PLEK: variants seen among roughly 807,000 people sequenced by gnomAD.
PLEK encodes platelet 47 kDa protein.
PLEK carries 25 observed loss-of-function variants against 43.9 expected under a neutral mutation model. The ratio of observed to expected loss-of-function variants is 0.57; its 90% CI spans 0.41 to 0.79. The LOEUF (loss-of-function observed/expected upper bound fraction) is 0.79, where lower values mean the gene tolerates loss of function less well. Ranked by LOEUF, PLEK falls within the 30% of genes least tolerant of loss-of-function variation. PLEK has a pLI of 0.00. For synonymous variants in PLEK, 152 were observed against 144.4 expected (o/e 1.05, Z -0.38); for missense variants, 396 against 413.3 (o/e 0.96, Z 0.36).
At chr2:68,380,538 T>G in intron 2 of PLEK, 55 bp downstream of exon 2, 3 of 1,553,170 alleles carry the variant, frequency 1.9e-6, no homozygotes, top group Non-Finnish European at 2.6e-6. Flanking sequence ...CAACTTTTGG[T>G]GCAAGCATTG....
At chr2:68,373,376 C>A (rs1228986356) in intron 1 of PLEK, among the ~76,000 whole-genome samples, 2 of 151,914 alleles carry the variant, frequency 1.3e-5, no homozygotes, top group Admixed American at 6.6e-5. Context: ...AGAGTCAGAC[C>A]CCGGAGGCTG....
intron 6 of PLEK, 123 bp downstream of exon 6, chr2:68,388,614 G>A: frequency 5.1e-6 from 3 of 587,752 alleles, no homozygotes; most frequent in South Asian, 4.4e-5. Flanking sequence ...AACCCACAAA[G>A]TGAAAGATAG....
intron 1 of PLEK, among the ~76,000 whole-genome samples, chr2:68,371,708 C>A (rs75921451): frequency 0.013 from 1,919 of 152,262 alleles, 36 homozygotes; most frequent in African/African-American, 0.043. Flanking sequence ...CCCATGGTCA[C>A]CTGCAGGCTA....
At chr2:68,389,388 CAGG>C (rs1218402505) in intron 6 of PLEK, among the ~76,000 whole-genome samples, 2 of 152,330 alleles carry the variant, frequency 1.3e-5, no homozygotes, top group Admixed American at 6.5e-5. Flanking sequence ...CTGTTGCCAT[CAGG>C]AGATTTCCAT....
chr2:68,380,301 T>C, intron 1 of PLEK, 27 bp from the exon 2 acceptor site: 2 of 1,589,368 alleles, frequency 1.3e-6, no homozygotes, highest in Admixed American at 3.4e-5. Flanking sequence ...GCCCTGTCCA[T>C]CTCAGCTCTT....
Position 68,380,456 on chromosome 2 carries a change from C to G in PLEK, c.171C>G (p.Ser57Arg). 3 of 1,613,866 alleles carry G rather than the reference C, an allele frequency of 1.9e-6. No homozygotes were observed. The highest frequency in any genetic ancestry group is 2.5e-6 in the Non-Finnish European group (3 of 1,179,830). ...MIPLKGSTLT[S>R]PCQDFGKRMF... ...CGCTGAAAGGGAGCACTCTGACTAG[C>G]CCTTGTCAAGACTTTGGCAAAAGGA... Residue 57 changes from serine to arginine, a missense_variant, in exon 2 of 9, where the codon AGC (serine) becomes AGG (arginine). Ser to Arg is a moderately radical substitution (Grantham distance 110). Coordinates refer to ENST00000234313, the MANE Select transcript of PLEK (RefSeq NM_002664.3).
chr2:68,365,611 T>A (rs1673254092), intron 1 of PLEK: 2 of 502,376 alleles, frequency 4.0e-6, no homozygotes, highest in Admixed American at 6.9e-5. Context: ...ATTACGGGTC[T>A]GAGAATTCCA....
intron 1 of PLEK, among the ~76,000 whole-genome samples, chr2:68,374,159 G>A (rs933800208): frequency 2.0e-5 from 3 of 152,054 alleles, no homozygotes; most frequent in Non-Finnish European, 4.4e-5. Context: ...CAGACATCAC[G>A]CTACCTCACT....
intron 1 of PLEK, among the ~76,000 whole-genome samples, chr2:68,368,226 A>G (rs540699934): frequency 3.9e-5 from 6 of 152,352 alleles, no homozygotes; most frequent in Admixed American, 1.3e-4. Context: ...AGTAACACCC[A>G]TGTCTCTTTG....
intron 1 of PLEK, among the ~76,000 whole-genome samples, chr2:68,368,346 A>G (rs1363852053): frequency 6.6e-6 from 1 of 152,240 alleles, no homozygotes; most frequent in African/African-American, 2.4e-5. Flanking sequence ...TAACCACCCT[A>G]TGTGATCCTC....
At position 68,396,623 on chromosome 2, in the gene PLEK, G is replaced by A. The variant is rs1460804895; in HGVS notation, c.*807G>A. 1 of 151,960 alleles carries A rather than the reference G, an allele frequency of 6.6e-6. No individual in the cohort carries two copies. Among genetic ancestry groups the A allele is most frequent in the Non-Finnish European group, 1.5e-5 (1 of 68,016 alleles). 9.4% of individuals were successfully genotyped at this position (151,960 alleles called of 1,614,324 possible). ...GGCTGATCTGAGAGGGTCTCCCTTT[G>A]TTCCTTTCTGGAGCATTTCTCTAAC... On this transcript the variant is annotated 3_prime_UTR_variant, in exon 9 of 9. Coordinates refer to ENST00000234313, the MANE Select transcript of PLEK (RefSeq NM_002664.3).
At chr2:68,391,721 G>A (rs770250826) in intron 6 of PLEK, among the ~76,000 whole-genome samples, 1 of 152,194 alleles carries the variant, frequency 6.6e-6, no homozygotes, top group Non-Finnish European at 1.5e-5. Context: ...CAAGTAAAAT[G>A]AAAAATGTTG....
In PLEK at chr2:68,396,106, T is replaced by C. The variant is rs762483148; in HGVS notation, c.*290T>C. ...AGGCCTCAGGGCCTCTTCTGGAAAA[T>C]GAAGAAATTCAACTAGTAGATTCCT... On this transcript the variant is annotated 3_prime_UTR_variant, in exon 9 of 9. Transcript: ENST00000234313. 1 of 290,924 alleles carries C rather than the reference T, an allele frequency of 3.4e-6. No individual in the cohort carries two copies. The highest frequency in any genetic ancestry group is 2.2e-5 in the African/African-American group (1 of 46,284). 18.0% of individuals were successfully genotyped at this position (290,924 alleles called of 1,614,324 possible).
At chr2:68,378,765 C>A (rs534563035) in intron 1 of PLEK, among the ~76,000 whole-genome samples, 259 of 152,230 alleles carry the variant, frequency 1.7e-3, no homozygotes, top group Middle Eastern at 6.8e-3. Context: ...GGTAGTCATT[C>A]TTATCATTTT....
chr2:68,395,786 C>T lies in PLEK; in HGVS notation c.1023C>T (p.Ala341=). The part of the protein sequence containing the change: ...TPKERTEWIR[A]IQMASRTGK ...AGGAGCGCACAGAGTGGATCAGAGCCATCCAGATGGCCTCCCGAACTGGGA... is the reference window on the plus strand; with the variant it reads ...AGGAGCGCACAGAGTGGATCAGAGCTATCCAGATGGCCTCCCGAACTGGGA... Residue 341 remains alanine, a synonymous_variant, in exon 9 of 9, where the codon GCC becomes GCT. Transcript: ENST00000234313. 1.2e-6 allele frequency: 2 copies of T among 1,613,732 alleles called. No homozygotes were observed.
In PLEK at chr2:68,395,678, A is replaced by G. The variant is rs1339656291; in HGVS notation, c.917-2A>G. The G allele has an allele frequency of 6.2e-7, 1 of 1,614,058 alleles. No homozygotes were observed. The highest frequency in any genetic ancestry group is 1.7e-5 in the Admixed American group (1 of 60,014). On this transcript the variant is annotated splice_acceptor_variant, in intron 8 of 8. Transcript: ENST00000234313. LOFTEE classifies it high-confidence loss of function. ...GCTGCCATTTGCCTTCTCTTTCCCC[A>G]GGCAGGAAGAGTGAGGAAGAGAACC...
At chr2:68,380,602 C>A (rs890947100) in intron 2 of PLEK, 119 bp downstream of exon 2, 15 of 1,382,006 alleles carry the variant, frequency 1.1e-5, no homozygotes, top group Non-Finnish European at 1.3e-5. Context: ...CCACCCACAC[C>A]CCACCCTGGC....
chr2:68,373,904 A>G (rs1262954900), intron 1 of PLEK, among the ~76,000 whole-genome samples: 1 of 152,230 alleles, frequency 6.6e-6, no homozygotes, highest in African/African-American at 2.4e-5. Flanking sequence ...CACTAAAAGT[A>G]TATTCTAAAT....
At chr2:68,386,843 A>G (rs559037335) in intron 5 of PLEK, among the ~76,000 whole-genome samples, 157 bp downstream of exon 5, 1 of 152,298 alleles carries the variant, frequency 6.6e-6, no homozygotes. Flanking sequence ...TCCCAGGCCC[A>G]TTTAGAGCTT....
Sources: allele counts gnomAD v4.1 joint callset (sites outside exome capture counted in the v4.1 genomes callset), GRCh38; gene constraint gnomAD v4.1.1; transcripts MANE v1.5; gene names NCBI Gene and HGNC (gene_info 2026-07-23, HGNC 2026-07-21).